The following NCKAP5 variants were observed in gnomAD, a reference collection of about 807,000 sequenced individuals.
NCKAP5 encodes the protein nck-associated protein 5.
A neutral mutation model predicts 167.0 loss-of-function variants in NCKAP5; 92 were observed. The observed-to-expected ratio is 0.55, with a 90% CI of 0.47 to 0.66. NCKAP5 has a LOEUF of 0.66. Among genes scored for constraint, NCKAP5 ranks in the 30% least tolerant of loss-of-function variants. The pLI, the probability that NCKAP5 is intolerant of heterozygous loss-of-function variation, is 0.00. For synonymous variants in NCKAP5, 891 were observed against 877.4 expected, an observed-to-expected ratio of 1.02 and a Z score of -0.27; for missense variants, 2,378 against 2,315.0, an observed-to-expected ratio of 1.03 and a Z score of -0.56.
At chr2:133,453,106 C>T (rs1011066388) in intron 3 of NCKAP5, among the ~76,000 whole-genome samples, 1 of 152,052 alleles carries the variant, frequency 6.6e-6, no homozygotes. Context: ...AACAATAGAA[C>T]TTGAAGTGTT....
chr2:132,893,572 C>A (rs1386318968), intron 8 of NCKAP5, among the ~76,000 whole-genome samples: 1 of 152,174 alleles, frequency 6.6e-6, no homozygotes, highest in Non-Finnish European at 1.5e-5. Flanking sequence ...AATCTTCCAA[C>A]ATGATTCTAC....
At chr2:133,382,448 T>C (rs561280576) in intron 3 of NCKAP5, among the ~76,000 whole-genome samples, 1 of 152,190 alleles carries the variant, frequency 6.6e-6, no homozygotes, top group Non-Finnish European at 1.5e-5. Context: ...GGTTTTAACA[T>C]GACACTCAAG....
At chr2:133,292,347 T>C (rs1316331429) in intron 4 of NCKAP5, among the ~76,000 whole-genome samples, 4 of 152,000 alleles carry the variant, frequency 2.6e-5, no homozygotes, top group African/African-American at 7.2e-5. Flanking sequence ...TTACTGTGAG[T>C]GCACTTCAGC....
At chr2:133,297,162 T>C (rs1430122723) in intron 4 of NCKAP5, among the ~76,000 whole-genome samples, 1 of 142,860 alleles carries the variant, frequency 7.0e-6, no homozygotes, top group Non-Finnish European at 1.5e-5. Context: ...ATACAGGTTG[T>C]CACAGTGTGT....
chr2:132,764,115 C>G (rs1008179014), intron 16 of NCKAP5, among the ~76,000 whole-genome samples: 1 of 152,104 alleles, frequency 6.6e-6, no homozygotes, highest in African/African-American at 2.4e-5. Flanking sequence ...CTCATAAATA[C>G]AGAAACATCC....
At chr2:133,362,508 A>G (rs899082811) in intron 3 of NCKAP5, among the ~76,000 whole-genome samples, 1 of 152,212 alleles carries the variant, frequency 6.6e-6, no homozygotes, top group Non-Finnish European at 1.5e-5. Context: ...CAAAAGAAAA[A>G]GCTGCATTTA....
At chr2:133,257,389 C>T (rs7600871) in intron 4 of NCKAP5, among the ~76,000 whole-genome samples, 24,611 of 151,930 alleles carry the variant, frequency 0.16, 2,207 homozygotes, top group African/African-American at 0.24. Context: ...TCATAACAGG[C>T]GTAAGAATGG....
intron 19 of NCKAP5, among the ~76,000 whole-genome samples, chr2:132,678,295 T>C (rs1684764616): frequency 6.6e-6 from 1 of 152,216 alleles, no homozygotes; most frequent in South Asian, 2.1e-4. Flanking sequence ...TATTGTTCTA[T>C]GATAAATGCT....
chr2:132,892,341 T>C (rs1692777665), intron 8 of NCKAP5, among the ~76,000 whole-genome samples: 1 of 152,228 alleles, frequency 6.6e-6, no homozygotes, highest in Non-Finnish European at 1.5e-5. Context: ...ACAACACGTA[T>C]TTTCCAATTA....
In NCKAP5 at chr2:132,783,019, T is replaced by A; in HGVS notation, c.3792A>T (p.Pro1264=). 1.2e-6 allele frequency: 2 copies of A among 1,613,796 alleles called. No individual in the cohort carries two copies. The highest frequency in any genetic ancestry group is 1.7e-6 in the Non-Finnish European group (2 of 1,179,822). ...SLSSSKPHLK[P]ALGMNGAKAR... ...CTTTGGCGCCATTCATACCCAGAGC[T>A]GGTTTTAGGTGTGGTTTGCTGGAGG... Residue 1264 remains proline, a synonymous_variant, in exon 14 of 20, where the codon CCA becomes CCT. Transcript: ENST00000409261.
At chr2:132,793,842 G>C (rs1574239770) in intron 12 of NCKAP5, among the ~76,000 whole-genome samples, 1 of 152,126 alleles carries the variant, frequency 6.6e-6, no homozygotes. Flanking sequence ...CCCCACCTTG[G>C]AAAATCAATG....
chr2:133,506,249 AG>A (rs1682994494), intron 3 of NCKAP5, among the ~76,000 whole-genome samples: 1 of 152,260 alleles, frequency 6.6e-6, no homozygotes, highest in Admixed American at 6.5e-5. Flanking sequence ...GACAAGTCCA[AG>A]GGAATAGACT....
chr2:133,512,297 A>T (rs1258966257), intron 3 of NCKAP5, among the ~76,000 whole-genome samples: 2 of 152,214 alleles, frequency 1.3e-5, no homozygotes, highest in Admixed American at 6.5e-5. Context: ...TAACAGCCTA[A>T]ACCTGTTCCT....
intron 2 of NCKAP5, among the ~76,000 whole-genome samples, chr2:133,544,828 A>C (rs570425537): frequency 6.6e-6 from 1 of 152,374 alleles, no homozygotes; most frequent in East Asian, 1.9e-4. Context: ...TCAGAAAGGC[A>C]GAGAATGATG....
At position 132,784,865 on chromosome 2, in the gene NCKAP5, A is replaced by C. The variant is rs769967882; in HGVS notation, c.1946T>G (p.Phe649Cys). The C allele has an allele frequency of 1.3e-6, 2 of 1,560,918 alleles. No individual in the cohort carries two copies. Among genetic ancestry groups the C allele is most frequent in the Non-Finnish European group, 1.7e-6 (2 of 1,154,314 alleles). ...AACTCTTTGCTGCTTAATGAAACTA[A>C]AAGTCTTTGGCCTAGTCTCTGAAGG... ...PIPSETRPKT[F>C]SFIKQQRVVK... Residue 649 changes from phenylalanine (F) to cysteine (C), a missense_variant, in exon 14 of 20, where the codon TTT (phenylalanine) becomes TGT (cysteine). By Grantham distance (205) the Phe-to-Cys change is radical (BLOSUM62 -2). Coordinates refer to ENST00000409261, the MANE Select transcript of NCKAP5 (RefSeq NM_207363.3).
chr2:132,812,319 A>C (rs1434376074), intron 11 of NCKAP5, among the ~76,000 whole-genome samples: 1 of 152,168 alleles, frequency 6.6e-6, no homozygotes, highest in Non-Finnish European at 1.5e-5. Flanking sequence ...ATTTTTCCTT[A>C]TTTAATCCTT....
At chr2:133,124,448 C>A (rs1275091158) in intron 6 of NCKAP5, among the ~76,000 whole-genome samples, 1 of 152,162 alleles carries the variant, frequency 6.6e-6, no homozygotes, top group Middle Eastern at 3.2e-3. Flanking sequence ...TAATTTAAAT[C>A]TTCAAACACG....
chr2:133,154,556 T>C (rs1328018820), intron 5 of NCKAP5, among the ~76,000 whole-genome samples: 2 of 152,244 alleles, frequency 1.3e-5, no homozygotes, highest in Admixed American at 1.3e-4. Flanking sequence ...GTATTTGACA[T>C]GCTGCTTCTA....
chr2:133,244,958 AT>A (rs1205089287), intron 4 of NCKAP5, among the ~76,000 whole-genome samples: 13 of 152,232 alleles, frequency 8.5e-5, no homozygotes, highest in African/African-American at 2.9e-4. Flanking sequence ...GACTTTATTA[AT>A]TTTAATAAAT....
Sources: gnomAD v4.1 joint callset for allele counts (sites outside exome capture counted in the v4.1 genomes callset) on GRCh38, gnomAD v4.1.1 for gene constraint, MANE v1.5 for transcripts, NCBI Gene and HGNC (gene_info 2026-07-23, HGNC 2026-07-21) for gene names.